The following DEUP1 variants were observed in gnomAD, a reference collection of about 807,000 sequenced individuals.
DEUP1 encodes the protein coiled-coil domain containing 67.
A neutral mutation model predicts 87.4 loss-of-function variants in DEUP1; 82 were observed. The ratio of observed to expected loss-of-function variants is 0.94; its 90% confidence interval spans 0.78 to 1.13. The LOEUF (loss-of-function observed/expected upper bound fraction) is 1.13, where lower values mean the gene tolerates loss of function less well. Among genes scored for constraint, DEUP1 ranks in the 50% most tolerant of loss-of-function variants. The pLI, the probability that DEUP1 is intolerant of heterozygous loss-of-function variation, is 0.00. For missense variants in DEUP1, 663 were observed against 681.5 expected (o/e 0.97, Z 0.30); for synonymous variants, 214 against 222.7 (o/e 0.96, Z 0.35).
intron 11 of DEUP1, among the ~76,000 whole-genome samples, chr11:93,407,630 TG>T (rs1262687121): frequency 6.6e-6 from 1 of 152,100 alleles, no homozygotes; most frequent in Admixed American, 6.6e-5. Context: ...ATATTTATTT[TG>T]TTCTTAATAC....
chr11:93,436,735 T>G (rs1248667224), intron 13 of DEUP1, among the ~76,000 whole-genome samples: 1 of 152,008 alleles, frequency 6.6e-6, no homozygotes, highest in Non-Finnish European at 1.5e-5. Flanking sequence ...CCTACCAAAA[T>G]GAAAATCAAA....
intron 12 of DEUP1, among the ~76,000 whole-genome samples, chr11:93,413,194 T>C (rs539407503): frequency 6.6e-6 from 1 of 151,734 alleles, no homozygotes; most frequent in East Asian, 1.9e-4. Flanking sequence ...TTAGTAAAAA[T>C]AAATAATTTC....
chr11:93,380,316 T>G (rs1327581950), intron 7 of DEUP1, among the ~76,000 whole-genome samples: 2 of 105,312 alleles, frequency 1.9e-5, no homozygotes, highest in Non-Finnish European at 3.8e-5. Flanking sequence ...CTGTGTGGCT[T>G]GCATTTGTGA....
At chr11:93,333,456 T>C (rs114389036) in intron 2 of DEUP1, among the ~76,000 whole-genome samples, 155 of 152,314 alleles carry the variant, frequency 1.0e-3, no homozygotes, top group African/African-American at 3.6e-3. Flanking sequence ...CCTTTTCTTT[T>C]AGGAGTATAA....
rs1024544218 is a variant in DEUP1, at chr11:93,412,838, C to T, written c.1524-2162C>T. ...GTGAGATGTTTCATCTTATGGTGCA[C>T]ATCATAAACCATGTTATTTCAGTTT... On this transcript the variant is annotated intron_variant, in intron 12 of 13. Coordinates refer to ENST00000298050, the MANE Select transcript of DEUP1 (RefSeq NM_181645.4). Among the ~76,000 whole-genome samples, 4 of 151,858 alleles carry T rather than the reference C, an allele frequency of 2.6e-5. No homozygotes were observed. In the South Asian group the frequency reaches 8.3e-4, roughly 31 times the overall value.
At chr11:93,331,782 C>G (rs1354515165) in intron 1 of DEUP1, among the ~76,000 whole-genome samples, 1 of 152,122 alleles carries the variant, frequency 6.6e-6, no homozygotes, top group Non-Finnish European at 1.5e-5. Context: ...GCATAGGGGT[C>G]GCTAAACAAA....
At chr11:93,336,207 G>A (rs1193632223) in intron 2 of DEUP1, among the ~76,000 whole-genome samples, 2 of 152,172 alleles carry the variant, frequency 1.3e-5, no homozygotes, top group East Asian at 1.9e-4. Flanking sequence ...AGGCGAAGAG[G>A]AAGGAGGCAT....
intron 2 of DEUP1, among the ~76,000 whole-genome samples, chr11:93,346,985 C>A (rs1366903965): frequency 6.6e-6 from 1 of 152,172 alleles, no homozygotes; most frequent in African/African-American, 2.4e-5. Context: ...ATGTCATCTG[C>A]AAACAAGGAT....
At chr11:93,390,061 T>C (rs1031717729) in intron 9 of DEUP1, among the ~76,000 whole-genome samples, 10 of 152,188 alleles carry the variant, frequency 6.6e-5, no homozygotes, top group Non-Finnish European at 1.2e-4. Context: ...GAATTTATCA[T>C]AGCTATTCTC....
At chr11:93,392,011 C>A (rs1309553488) in intron 9 of DEUP1, among the ~76,000 whole-genome samples, 1 of 152,112 alleles carries the variant, frequency 6.6e-6, no homozygotes, top group African/African-American at 2.4e-5. Flanking sequence ...AAGGTCATAT[C>A]CAACTCTGAA....
intron 13 of DEUP1, among the ~76,000 whole-genome samples, chr11:93,433,875 A>C (rs1948167921): frequency 6.6e-6 from 1 of 152,168 alleles, no homozygotes; most frequent in South Asian, 2.1e-4. Flanking sequence ...GTTCTCACCA[A>C]ACAAAAAGTT....
intron 12 of DEUP1, chr11:93,411,167 A>G (rs1368646410): frequency 6.6e-6 from 1 of 152,238 alleles, no homozygotes; most frequent in Non-Finnish European, 1.5e-5. Flanking sequence ...GAAAAATGAA[A>G]TCATCTTTTT....
chr11:93,434,404 A>G (rs760183449), intron 13 of DEUP1, among the ~76,000 whole-genome samples: 1 of 152,220 alleles, frequency 6.6e-6, no homozygotes, highest in Non-Finnish European at 1.5e-5. Flanking sequence ...GTATTTGCCA[A>G]TTAAAATTAA....
At chr11:93,377,655 T>C (rs1052087683) in intron 7 of DEUP1, among the ~76,000 whole-genome samples, 9 of 152,206 alleles carry the variant, frequency 5.9e-5, no homozygotes, top group Admixed American at 2.6e-4. Flanking sequence ...ATATTCATCA[T>C]GCTAGTTGTT....
chr11:93,408,398 C>A lies in DEUP1; in HGVS notation c.1494C>A (p.Ser498Arg). 1 of 1,562,204 alleles carries A rather than the reference C, an allele frequency of 6.4e-7. No individual in the cohort carries two copies. The highest frequency in any genetic ancestry group is 1.2e-5 in the South Asian group (1 of 83,850). Residue 498 changes from serine to arginine, a missense_variant, in exon 12 of 14, where the codon AGC becomes AGA. Physicochemically the swap from Ser to Arg is moderately radical, Grantham distance 110. Transcript: ENST00000298050. Reference sequence around the variant, plus strand: ...AAACAGGAAGATATGCCTATCAAAGCCAAATAAAAGTGGAACAAAATGAAG... The same window carrying A: ...AAACAGGAAGATATGCCTATCAAAGACAAATAAAAGTGGAACAAAATGAAG... ...YEETGRYAYQ[S>R]QIKVEQNEER...
intron 13 of DEUP1, among the ~76,000 whole-genome samples, chr11:93,431,790 T>C (rs922453089): frequency 5.3e-5 from 8 of 152,044 alleles, no homozygotes; most frequent in African/African-American, 1.9e-4. Context: ...CAATGAATTG[T>C]TTATGGGAAG....
chr11:93,356,186 G>A (rs1944885573), intron 3 of DEUP1, among the ~76,000 whole-genome samples: 1 of 152,134 alleles, frequency 6.6e-6, no homozygotes, highest in African/African-American at 2.4e-5. Flanking sequence ...AATGTTTAAA[G>A]GAAATGTTTG....
chr11:93,342,688 T>C (rs1334769422), intron 2 of DEUP1, among the ~76,000 whole-genome samples: 1 of 152,196 alleles, frequency 6.6e-6, no homozygotes, highest in Non-Finnish European at 1.5e-5. Flanking sequence ...CTGAATAATA[T>C]CAAAGTTCTG....
At chr11:93,400,417 T>C (rs1363080658) in intron 11 of DEUP1, among the ~76,000 whole-genome samples, 1 of 152,140 alleles carries the variant, frequency 6.6e-6, no homozygotes, top group African/African-American at 2.4e-5. Context: ...GATTTCTCCC[T>C]GTACCACTGT....
Sources: allele counts gnomAD v4.1 joint callset (sites outside exome capture counted in the v4.1 genomes callset), GRCh38; gene constraint gnomAD v4.1.1; transcripts MANE v1.5; gene names NCBI Gene and HGNC (gene_info 2026-07-23, HGNC 2026-07-21).